Variants in KCNH1 observed in about 807,000 individuals in gnomAD.
KCNH1 encodes voltage-gated delayed rectifier potassium channel KCNH1.
KCNH1 carries 27 observed loss-of-function variants against 69.2 expected under a neutral mutation model. That is an observed-to-expected ratio of 0.39 (90% CI 0.29 to 0.54). The LOEUF (loss-of-function observed/expected upper bound fraction) is 0.54. Among genes scored for constraint, KCNH1 ranks in the 20% least tolerant of loss-of-function variants. The probability of loss-of-function intolerance (pLI) is 0.68; values close to 1 mark genes in which losing one functional copy is unlikely to be tolerated. For synonymous variants in KCNH1, 456 were observed against 487.7 expected (o/e 0.93, Z 0.86); for missense variants, 798 against 1,261.6 (o/e 0.63, Z 5.57).
Position 210,683,092 on chromosome 1 carries a change from T to C in KCNH1, c.*189A>G, listed in dbSNP as rs1403671293. 7.6e-6 allele frequency: 5 copies of C among 658,246 alleles called. No homozygotes were observed. Among genetic ancestry groups the C allele is most frequent in the Non-Finnish European group, 1.3e-5 (5 of 374,480 alleles). 40.8% of individuals were successfully genotyped at this position (658,246 alleles called of 1,614,324 possible). ...CAGATGCAGCTGCCACCTTGCAGGG[T>C]AGGGGCACGCTACCCTTCCCATATC... On this transcript the variant is annotated 3_prime_UTR_variant, in exon 11 of 11. Coordinates refer to ENST00000271751, the MANE Select transcript of KCNH1 (RefSeq NM_172362.3). The surrounding 1 kb of genome is among the most constrained non-coding windows in gnomAD (Gnocchi z 5.7).
At chr1:211,113,951 C>G (rs61848602) in intron 1 of KCNH1, among the ~76,000 whole-genome samples, 6 of 102,858 alleles carry the variant, frequency 5.8e-5, no homozygotes, top group African/African-American at 2.4e-4. Context: ...CTCTCTCTCT[C>G]TGTCTCTCTC....
chr1:210,974,435 G>A lies in KCNH1; in HGVS notation c.1032+44348C>T, dbSNP rs140299704. 9.0e-4 allele frequency among the ~76,000 whole-genome samples: 137 copies of A among 151,770 alleles called. 2 individuals are homozygous for A. The East Asian group carries it at 0.016, about 18-fold the overall frequency. On this transcript the variant is annotated intron_variant, in intron 6 of 10. Coordinates refer to ENST00000271751, the MANE Select transcript of KCNH1 (RefSeq NM_172362.3). Reference sequence around the variant, plus strand: ...GCCAGATTTGGTTTGCTAATATTTCGTTTAGGAGCTTTGTGTCTTTGCTAA... The same window carrying A: ...GCCAGATTTGGTTTGCTAATATTTCATTTAGGAGCTTTGTGTCTTTGCTAA...
At chr1:210,894,276 T>C (rs1686813308) in intron 7 of KCNH1, among the ~76,000 whole-genome samples, 1 of 152,204 alleles carries the variant, frequency 6.6e-6, no homozygotes, top group Admixed American at 6.6e-5. Flanking sequence ...ATTTGTTAAG[T>C]GGACCCAGAG....
At position 211,075,862 on chromosome 1, in the gene KCNH1, C is replaced by T. The variant is rs572272776; in HGVS notation, c.558+6918G>A. ...CTGTGACAGACAGCACCTGGAAAAACGGGATACTCCCACCCAAATACTGTG... is the reference window on the plus strand; with the variant it reads ...CTGTGACAGACAGCACCTGGAAAAATGGGATACTCCCACCCAAATACTGTG... On this transcript the variant is annotated intron_variant, in intron 5 of 10. Transcript: ENST00000271751. Among the ~76,000 whole-genome samples, 5 of 152,332 alleles carry T rather than the reference C, an allele frequency of 3.3e-5. No homozygotes were observed. The East Asian group carries it at 5.8e-4, about 18-fold the overall frequency.
chr1:210,689,350 C>A (rs771741444), intron 10 of KCNH1, among the ~76,000 whole-genome samples: 4 of 152,180 alleles, frequency 2.6e-5, no homozygotes, highest in Non-Finnish European at 5.9e-5. Flanking sequence ...TGGCCTGGTC[C>A]TAGCTAGAGT....
In KCNH1 at chr1:210,867,959, A is replaced by T. The variant is rs548127733; in HGVS notation, c.1462+51681T>A. Among the ~76,000 whole-genome samples, 549 of 152,104 alleles carry T rather than the reference A, an allele frequency of 3.6e-3. 4 individuals are homozygous for T. Among genetic ancestry groups the T allele is most frequent in the African/African-American group, 0.013 (529 of 41,546 alleles). ...TTGATATTTTTCCCTCATTTTAGTTATTATGAACACTGATATACAAGTTTT... is the reference window on the plus strand; with the variant it reads ...TTGATATTTTTCCCTCATTTTAGTTTTTATGAACACTGATATACAAGTTTT... On this transcript the variant is annotated intron_variant, in intron 7 of 10. Transcript: ENST00000271751.
intron 7 of KCNH1, among the ~76,000 whole-genome samples, chr1:210,810,217 C>T (rs1051735632): frequency 1.3e-5 from 2 of 152,206 alleles, no homozygotes; most frequent in Non-Finnish European, 2.9e-5. Context: ...AATCATTTCT[C>T]TCTGGATTTT....
intron 7 of KCNH1, chr1:210,862,318 T>C: frequency 2.6e-6 from 2 of 755,596 alleles, no homozygotes; most frequent in Admixed American, 4.0e-5. Flanking sequence ...AGGGCTTGAG[T>C]GCTACTGGGC....
intron 7 of KCNH1, among the ~76,000 whole-genome samples, chr1:210,850,134 A>C (rs1421328408): frequency 6.6e-6 from 1 of 152,186 alleles, no homozygotes; most frequent in Non-Finnish European, 1.5e-5. Flanking sequence ...CTCTAAGTGC[A>C]AGGCTCATAC....
intron 7 of KCNH1, among the ~76,000 whole-genome samples, chr1:210,882,176 T>C (rs999521869): frequency 1.3e-5 from 2 of 152,174 alleles, no homozygotes; most frequent in African/African-American, 4.8e-5. Flanking sequence ...AATTTTGCCA[T>C]GAACCTAAAA....
At chr1:210,803,926 C>T (rs762893890) in intron 8 of KCNH1, 41 bp downstream of exon 8, 3 of 1,585,502 alleles carry the variant, frequency 1.9e-6, no homozygotes, top group Middle Eastern at 1.7e-4. Flanking sequence ...CTAGGGAAAC[C>T]AAAAGACAAA....
At chr1:210,851,663 A>T (rs973666087) in intron 7 of KCNH1, among the ~76,000 whole-genome samples, 1 of 152,232 alleles carries the variant, frequency 6.6e-6, no homozygotes, top group African/African-American at 2.4e-5. Flanking sequence ...TAGATGGGAT[A>T]CCTACTATAA....
At chr1:211,050,444 T>C (rs1367649980) in intron 5 of KCNH1, among the ~76,000 whole-genome samples, 1 of 152,086 alleles carries the variant, frequency 6.6e-6, no homozygotes. Flanking sequence ...TAGGACTTTT[T>C]CCATGATGCA....
intron 6 of KCNH1, among the ~76,000 whole-genome samples, chr1:210,952,010 C>T (rs1042678247): frequency 2.0e-5 from 3 of 152,130 alleles, no homozygotes; most frequent in Admixed American, 6.5e-5. Context: ...AGGACACTTG[C>T]GCGGGGTACA....
chr1:210,803,486 T>TA (rs753748061), intron 8 of KCNH1, among the ~76,000 whole-genome samples: 12 of 152,312 alleles, frequency 7.9e-5, no homozygotes, highest in South Asian at 4.2e-4. Context: ...AAGGGAATGC[T>TA]AAAAAAGTCA....
chr1:210,744,276 G>A (rs1045686087), intron 10 of KCNH1, among the ~76,000 whole-genome samples: 1 of 152,130 alleles, frequency 6.6e-6, no homozygotes, highest in African/African-American at 2.4e-5. Context: ...CTGCAGCATT[G>A]TAGAATTTGT....
intron 1 of KCNH1, among the ~76,000 whole-genome samples, chr1:211,130,395 A>C (rs1691855545): frequency 6.6e-6 from 1 of 152,228 alleles, no homozygotes; most frequent in Non-Finnish European, 1.5e-5. Context: ...TTTTTTAAAT[A>C]CAGTGACAGG....
At chr1:211,010,758 C>G (rs1258011406) in intron 6 of KCNH1, among the ~76,000 whole-genome samples, 2 of 152,164 alleles carry the variant, frequency 1.3e-5, no homozygotes, top group South Asian at 2.1e-4. Flanking sequence ...AGACCAGGGG[C>G]TCCTTGGGGA....
intron 9 of KCNH1, among the ~76,000 whole-genome samples, chr1:210,783,543 G>A (rs947645782): frequency 6.6e-6 from 1 of 152,156 alleles, no homozygotes; most frequent in East Asian, 1.9e-4. Context: ...GTGTAGAAGG[G>A]ATGTGTGCAA....
Sources: gnomAD v4.1 joint callset for allele counts (sites outside exome capture counted in the v4.1 genomes callset) on GRCh38, gnomAD v4.1.1 for gene constraint, Gnocchi (gnomAD v3.1) non-coding constraint, MANE v1.5 for transcripts, NCBI Gene and HGNC (gene_info 2026-07-23, HGNC 2026-07-21) for gene names.